The following NTM variants were observed in gnomAD, a reference collection of about 807,000 sequenced individuals.
NTM encodes neurotrimin.
In NTM, 13 loss-of-function variants were observed where a neutral mutation model predicts 42.1. That is an observed-to-expected ratio of 0.31 (90% CI 0.20 to 0.49). The LOEUF (loss-of-function observed/expected upper bound fraction) is 0.49, where lower values mean the gene tolerates loss of function less well. Among genes scored for constraint, NTM ranks in the 20% least tolerant of loss-of-function variants. NTM has a pLI of 0.99. For missense variants in NTM, 373 were observed against 452.8 expected, an observed-to-expected ratio of 0.82 and a Z score of 1.60; for synonymous variants, 187 against 179.2, an observed-to-expected ratio of 1.04 and a Z score of -0.35.
Position 131,864,745 on chromosome 11 carries a change from C to T in NTM, c.83-46819C>T, listed in dbSNP as rs568740820. Among the ~76,000 whole-genome samples the T allele has an allele frequency of 7.2e-5, 11 of 152,350 alleles. 1 individual carries two copies. Among genetic ancestry groups the T allele is most frequent in the African/African-American group, 2.6e-4 (11 of 41,574 alleles). On this transcript the variant is annotated intron_variant, in intron 1 of 8. Coordinates refer to ENST00000683400, the MANE Select transcript of NTM (RefSeq NM_001352005.2). ...ATGTGCCACCTCTGACCAGGATTTC[C>T]TGGCATTGTTTGAACACAACTGGTG...
intron 1 of NTM, among the ~76,000 whole-genome samples, chr11:131,493,075 A>T (rs1217156669): frequency 6.6e-6 from 1 of 151,924 alleles, no homozygotes; most frequent in Non-Finnish European, 1.5e-5. Flanking sequence ...AAAAAATACA[A>T]AAATTAGCTG....
intron 1 of NTM, among the ~76,000 whole-genome samples, chr11:131,873,610 AC>A (rs1300840751): frequency 2.7e-5 from 3 of 113,108 alleles, no homozygotes; most frequent in South Asian, 2.6e-4. Flanking sequence ...ATATATATAT[AC>A]CGTATATATA....
intron 2 of NTM, among the ~76,000 whole-genome samples, chr11:132,029,263 A>G (rs1355262473): frequency 2.6e-5 from 4 of 151,896 alleles, no homozygotes; most frequent in African/African-American, 9.7e-5. Context: ...ATATGTATAC[A>G]TGTGCCATGT....
chr11:131,966,250 T>A (rs1420893929), intron 2 of NTM, among the ~76,000 whole-genome samples: 1 of 152,126 alleles, frequency 6.6e-6, no homozygotes, highest in Non-Finnish European at 1.5e-5. Flanking sequence ...CGAGGCAGAA[T>A]AAACTAAGAG....
chr11:131,970,852 T>C (rs773991627), intron 2 of NTM, among the ~76,000 whole-genome samples: 3 of 152,230 alleles, frequency 2.0e-5, no homozygotes, highest in Non-Finnish European at 4.4e-5. Flanking sequence ...TCTCTGATTC[T>C]ATGCCTTGTC....
chr11:132,046,114 A>C (rs569313789), intron 2 of NTM, among the ~76,000 whole-genome samples: 4 of 152,338 alleles, frequency 2.6e-5, no homozygotes, highest in African/African-American at 9.6e-5. Context: ...AATTTCTGCA[A>C]AATGGGGATA....
chr11:131,516,592 G>A lies in NTM; in HGVS notation c.82+145704G>A, dbSNP rs370768257. 2.0e-4 allele frequency among the ~76,000 whole-genome samples: 31 copies of A among 152,178 alleles called. 1 individual carries two copies. The highest frequency in any genetic ancestry group is 6.7e-4 in the African/African-American group (28 of 41,528). On this transcript the variant is annotated intron_variant, in intron 1 of 8. Coordinates refer to ENST00000683400, the MANE Select transcript of NTM (RefSeq NM_001352005.2). Reference sequence around the variant, plus strand: ...TCACCATGTTGGCCAGGCCAGTTTCGAACTCCTGACCTCAGGTAATCCACC... The same window carrying A: ...TCACCATGTTGGCCAGGCCAGTTTCAAACTCCTGACCTCAGGTAATCCACC...
chr11:131,867,800 G>C (rs932581124), intron 1 of NTM, among the ~76,000 whole-genome samples: 1 of 152,112 alleles, frequency 6.6e-6, no homozygotes, highest in African/African-American at 2.4e-5. Context: ...AGGGTGTTGG[G>C]GCACAAAATG....
intron 2 of NTM, among the ~76,000 whole-genome samples, chr11:132,104,670 G>C (rs1033014846): frequency 6.7e-6 from 1 of 150,164 alleles, no homozygotes; most frequent in Non-Finnish European, 1.5e-5. Flanking sequence ...AGCTACTCAG[G>C]AGGACAAAGA....
intron 1 of NTM, among the ~76,000 whole-genome samples, chr11:131,639,951 G>A (rs374143063): frequency 1.3e-4 from 20 of 151,502 alleles, no homozygotes; most frequent in Admixed American, 3.9e-4. Context: ...GCGAGACTCC[G>A]TGTCAAAAAA....
intron 1 of NTM, among the ~76,000 whole-genome samples, chr11:131,790,078 T>C (rs952420163): frequency 6.7e-6 from 1 of 150,112 alleles, no homozygotes; most frequent in African/African-American, 2.5e-5. Flanking sequence ...CAATAAAAAG[T>C]GTAAATTATA....
At chr11:131,522,754 T>C (rs2049928147) in intron 1 of NTM, among the ~76,000 whole-genome samples, 1 of 152,162 alleles carries the variant, frequency 6.6e-6, no homozygotes, top group Non-Finnish European at 1.5e-5. Context: ...CTCCATAGAT[T>C]ATAGAGCAGC....
intron 1 of NTM, among the ~76,000 whole-genome samples, chr11:131,750,405 C>T (rs2082340635): frequency 6.6e-6 from 1 of 152,294 alleles, no homozygotes; most frequent in East Asian, 1.9e-4. Context: ...CCTCCTTCCC[C>T]AGAGCTTGCC....
chr11:131,912,138 T>C (rs1416299241), intron 2 of NTM, among the ~76,000 whole-genome samples: 3 of 152,312 alleles, frequency 2.0e-5, no homozygotes, highest in African/African-American at 7.2e-5. Context: ...TGCTTTGTCC[T>C]GGGCCTGACT....
intron 1 of NTM, among the ~76,000 whole-genome samples, chr11:131,422,846 G>A (rs1019003397): frequency 2.0e-5 from 3 of 152,140 alleles, no homozygotes; most frequent in African/African-American, 7.2e-5. Context: ...TTAAATAGTT[G>A]TTGAATATTG....
chr11:131,867,075 T>C (rs2047295727), intron 1 of NTM, among the ~76,000 whole-genome samples: 1 of 152,066 alleles, frequency 6.6e-6, no homozygotes, highest in Non-Finnish European at 1.5e-5. Context: ...AATCGCAGGA[T>C]CAATTAGCAG....
At chr11:132,284,101 G>A (rs1480007514) in intron 4 of NTM, among the ~76,000 whole-genome samples, 1 of 152,136 alleles carries the variant, frequency 6.6e-6, no homozygotes, top group Non-Finnish European at 1.5e-5. Context: ...GGATGATTTT[G>A]TGGGGATTAA....
At chr11:131,754,617 C>A (rs2083073482) in intron 1 of NTM, among the ~76,000 whole-genome samples, 1 of 70,440 alleles carries the variant, frequency 1.4e-5, no homozygotes, top group African/African-American at 4.8e-5. Flanking sequence ...AGAGTGAGAC[C>A]CCAACTCCAA....
At chr11:131,522,491 T>A (rs534262422) in intron 1 of NTM, among the ~76,000 whole-genome samples, 2 of 152,210 alleles carry the variant, frequency 1.3e-5, no homozygotes, top group African/African-American at 4.8e-5. Flanking sequence ...CACAGTTGAA[T>A]TGATGAGCTA....
Sources: gnomAD v4.1 joint callset for allele counts (sites outside exome capture counted in the v4.1 genomes callset) on GRCh38, gnomAD v4.1.1 for gene constraint, MANE v1.5 for transcripts, NCBI Gene and HGNC (gene_info 2026-07-23, HGNC 2026-07-21) for gene names.